The following NPEPL1 variants were observed in gnomAD, a reference collection of about 807,000 sequenced individuals.
The protein encoded by NPEPL1 is aminopeptidase like 1, also known as probable aminopeptidase NPEPL1.
Under a neutral mutation model 52.4 loss-of-function variants are expected in NPEPL1, and 45 were observed. That is an observed-to-expected ratio of 0.86 (90% CI 0.68 to 1.10). The LOEUF is 1.10. NPEPL1 is among the 50% of genes least tolerant of loss of function. NPEPL1 has a pLI of 0.00. For synonymous variants in NPEPL1, 360 were observed against 314.7 expected (o/e 1.14, Z -1.52); for missense variants, 696 against 710.9 (o/e 0.98, Z 0.24).
chr20:58,703,986 T>G (rs2084687675), intron 6 of NPEPL1: 1 of 985,396 alleles, frequency 1.0e-6, no homozygotes, highest in Non-Finnish European at 1.2e-6. Flanking sequence ...GGTTTTTTAT[T>G]TTAAACCAGC....
At chr20:58,714,999 C>A in intron 11 of NPEPL1, 169 bp from the exon 12 acceptor site, 2 of 782,258 alleles carry the variant, frequency 2.6e-6, no homozygotes, top group Non-Finnish European at 4.0e-6. Flanking sequence ...CTGAACGTGT[C>A]CAGCCAGCAG....
At chr20:58,712,677 C>T (rs1056226048) in intron 8 of NPEPL1, 98 bp downstream of exon 8, 27 of 906,876 alleles carry the variant, frequency 3.0e-5, no homozygotes, top group Non-Finnish European at 4.3e-5. Context: ...CGGGAGGGCA[C>T]TCAGCGTTGG....
At chr20:58,711,655 C>G (rs2123147077) in intron 7 of NPEPL1, 1 of 153,080 alleles carries the variant, frequency 6.5e-6, no homozygotes, top group African/African-American at 2.4e-5. Flanking sequence ...TGCCCAGCAC[C>G]ACTGCTGCAG....
chr20:58,707,035 G>T, intron 6 of NPEPL1, 88 bp from the exon 7 acceptor site: 1 of 1,341,210 alleles, frequency 7.5e-7, no homozygotes, highest in South Asian at 1.3e-5. Flanking sequence ...TGGGGCTAGC[G>T]TGGGGCCGGG....
chr20:58,691,839 T>C (rs1447641629), upstream of NPEPL1: 16 of 1,534,728 alleles, frequency 1.0e-5, 1 homozygote, highest in Admixed American at 2.7e-4. Flanking sequence ...GGGTAACAGA[T>C]TTTTGCTTTT....
rs189108488 is a variant in NPEPL1, at chr20:58,694,496, C to A, written c.411C>A (p.Arg137=). ...LARAFPLFTH[R]SGASRRLEKK... ...GGGCCTTCCCGCTGTTCACCCACCG[C>A]TCAGGTGCCTCTCGGCGCTTGGAGA... The change falls in exon 3 of 12, where the codon CGC becomes CGA. Residue 137 remains arginine, a synonymous_variant. Coordinates refer to ENST00000356091, the MANE Select transcript of NPEPL1 (RefSeq NM_024663.4). 6.2e-7 allele frequency: 1 copy of A among 1,614,046 alleles called. No individual in the cohort carries two copies. Among genetic ancestry groups the A allele is most frequent in the African/African-American group, 1.3e-5 (1 of 75,072 alleles).
chr20:58,693,981 G>A, intron 2 of NPEPL1, 59 bp downstream of exon 2: 1 of 1,463,066 alleles, frequency 6.8e-7, no homozygotes, highest in Non-Finnish European at 9.2e-7. Flanking sequence ...GTGAGCTCGG[G>A]CCTGGGGAGC....
chr20:58,702,309 T>C (rs1289267890), intron 6 of NPEPL1, among the ~76,000 whole-genome samples: 1 of 152,174 alleles, frequency 6.6e-6, no homozygotes, highest in Non-Finnish European at 1.5e-5. Context: ...TGTCACCCAT[T>C]CTCCAGTTTG....
At chr20:58,695,111 GTGTT>G (rs2084447776) in intron 3 of NPEPL1, among the ~76,000 whole-genome samples, 1 of 22,684 alleles carries the variant, frequency 4.4e-5, no homozygotes, top group East Asian at 1.3e-3. Context: ...CTGTGTGTGT[GTGTT>G]TGCTGGTGTG....
chr20:58,705,865 G>A (rs1178408238), intron 6 of NPEPL1, among the ~76,000 whole-genome samples: 1 of 152,154 alleles, frequency 6.6e-6, no homozygotes, highest in Non-Finnish European at 1.5e-5. Flanking sequence ...AAACAATCCT[G>A]TGCTTTCTCA....
At chr20:58,706,893 C>T (rs1017135250) in intron 6 of NPEPL1, among the ~76,000 whole-genome samples, 1 of 152,210 alleles carries the variant, frequency 6.6e-6, no homozygotes, top group Admixed American at 6.5e-5. Context: ...AAAAGGGAGC[C>T]TCACCATCTA....
chr20:58,695,032 A>ATGTGTGGTG (rs1568847552), intron 3 of NPEPL1, among the ~76,000 whole-genome samples: 122 of 3,654 alleles, frequency 0.033, no homozygotes, highest in Middle Eastern at 0.071. Context: ...TGTGTGTGGT[A>ATGTGTGGTG]TGTGTTGCTG....
intron 10 of NPEPL1, 182 bp from the exon 11 acceptor site, chr20:58,714,378 G>A: frequency 1.7e-6 from 1 of 601,516 alleles, no homozygotes; most frequent in Non-Finnish European, 2.9e-6. Flanking sequence ...GGCCTATGGT[G>A]GGGGCAGACT....
chr20:58,698,498 T>G (rs2084537842), intron 3 of NPEPL1, among the ~76,000 whole-genome samples, 186 bp from the exon 4 acceptor site: 1 of 152,082 alleles, frequency 6.6e-6, no homozygotes, highest in African/African-American at 2.4e-5. Context: ...AGGTGGCCGG[T>G]GGCCCTGGGT....
rs754353207 is a variant in NPEPL1, at chr20:58,713,388, G to T, written c.1002-32G>T. 6.4e-7 allele frequency: 1 copy of T among 1,564,480 alleles called. No homozygotes were observed. Among genetic ancestry groups the T allele is most frequent in the Non-Finnish European group, 8.7e-7 (1 of 1,150,760 alleles). ...TCATGCCAGTGTCCCAGGAAATCCCGTCCCTGAGCGGGGATCTCTACCATG... is the reference window on the plus strand; with the variant it reads ...TCATGCCAGTGTCCCAGGAAATCCCTTCCCTGAGCGGGGATCTCTACCATG... On this transcript the variant is annotated intron_variant, in intron 8 of 11. Transcript: ENST00000356091. This position sits in a 1 kb window ranked among gnomAD's most constrained non-coding sequence, Gnocchi z 4.6.
At position 58,712,496 on chromosome 20, in the gene NPEPL1, C is replaced by T. The variant is rs746521189; in HGVS notation, c.918C>T (p.Leu306=). Reference sequence around the variant, plus strand: ...CCCTCCAGGGTTTCAAAGACAACCTCCACGCTGTGTTCTGCTTGGCTGAGA... The same window carrying T: ...CCCTCCAGGGTTTCAAAGACAACCTTCACGCTGTGTTCTGCTTGGCTGAGA... ...AAIKQGFKDN[L]HAVFCLAENS... The change falls in exon 8 of 12, where the codon CTC becomes CTT. Residue 306 remains leucine (L), a synonymous_variant. Transcript: ENST00000356091. The T allele has an allele frequency of 1.2e-5, 19 of 1,613,400 alleles. No individual in the cohort carries two copies. In the African/African-American group the frequency reaches 2.5e-4, roughly 22 times the overall value.
At chr20:58,690,119 G>A (rs2084322901), upstream of NPEPL1, among the ~76,000 whole-genome samples, 1 of 152,192 alleles carries the variant, frequency 6.6e-6, no homozygotes, top group Admixed American at 6.5e-5. Context: ...TACAAGATAG[G>A]ATTTCAGAAA....
At position 58,705,520 on chromosome 20, in the gene NPEPL1, G is replaced by A. The variant is rs778781916; in HGVS notation, c.823-1603G>A. ...CAGAGGGCACGGAAACGAATACAGT[G>A]GCTCCCGGACCTCTTTGGGACTGTG... On this transcript the variant is annotated intron_variant, in intron 6 of 11. Transcript: ENST00000356091. 2.8e-5 allele frequency: 13 copies of A among 456,144 alleles called. 1 individual carries two copies. Among genetic ancestry groups the A allele is most frequent in the Admixed American group, 2.1e-4 (9 of 42,556 alleles). The allele number at this position is 456,144 out of a possible 1,614,324, so 28.3% of individuals were successfully genotyped here.
At chr20:58,704,898 C>T (rs771750498) in intron 6 of NPEPL1, among the ~76,000 whole-genome samples, 17 of 152,304 alleles carry the variant, frequency 1.1e-4, no homozygotes, top group South Asian at 2.1e-4. Flanking sequence ...CAGTTAAATC[C>T]GCTGTTCTCT....
Sources: gnomAD v4.1 joint callset for allele counts (sites outside exome capture counted in the v4.1 genomes callset) on GRCh38, gnomAD v4.1.1 for gene constraint, Gnocchi (gnomAD v3.1) non-coding constraint, MANE v1.5 for transcripts, NCBI Gene and HGNC (gene_info 2026-07-23, HGNC 2026-07-21) for gene names.